Variants in LARGE1 observed in about 807,000 individuals in gnomAD.
LARGE1 encodes xylosyl- and glucuronyltransferase LARGE1.
LARGE1 carries 43 observed loss-of-function variants against 87.6 expected under a neutral mutation model. The ratio of observed to expected loss-of-function variants is 0.49; its 90% confidence interval spans 0.38 to 0.63. The LOEUF (loss-of-function observed/expected upper bound fraction) is 0.63, where lower values mean the gene tolerates loss of function less well. LARGE1 is among the 30% of genes least tolerant of loss of function. LARGE1 has a pLI of 0.00. For missense variants in LARGE1, 802 were observed against 1,000.2 expected (o/e 0.80, Z 2.67); for synonymous variants, 434 against 394.6 (o/e 1.10, Z -1.18).
intron 5 of LARGE1, among the ~76,000 whole-genome samples, chr22:33,570,400 T>C (rs138402175): frequency 6.6e-6 from 1 of 152,142 alleles, no homozygotes; most frequent in Non-Finnish European, 1.5e-5. Context: ...CCTTGTCCTA[T>C]GTTTCTGTAA....
Position 33,631,822 on chromosome 22 carries a change from G to A in LARGE1, c.409-5496C>T, listed in dbSNP as rs528050814. ...ATAGTTTTATACAAATGGCAGCGCAGTCGGTTTGTTCACACCAACATCACC... is the reference window on the plus strand; with the variant it reads ...ATAGTTTTATACAAATGGCAGCGCAATCGGTTTGTTCACACCAACATCACC... On this transcript the variant is annotated intron_variant, in intron 3 of 14. Transcript: ENST00000397394. Among the ~76,000 whole-genome samples the A allele has an allele frequency of 2.0e-5, 3 of 152,320 alleles. No individual in the cohort carries two copies. The South Asian group carries it at 6.2e-4, about 32-fold the overall frequency.
chr22:33,876,521 T>C (rs61040607), intron 1 of LARGE1, among the ~76,000 whole-genome samples: 53,436 of 151,642 alleles, frequency 0.35, 10,594 homozygotes, highest in Non-Finnish European at 0.45. Flanking sequence ...GCTATACTTC[T>C]ATTTAAAAGC....
intron 2 of LARGE1, chr22:33,732,748 T>C (rs988806495): frequency 6.6e-6 from 1 of 152,226 alleles, no homozygotes; most frequent in Admixed American, 6.5e-5. Flanking sequence ...AATCTCTGCA[T>C]CCAGAAGATT....
At chr22:33,534,265 G>T (rs528867329) in intron 6 of LARGE1, among the ~76,000 whole-genome samples, 1 of 152,094 alleles carries the variant, frequency 6.6e-6, no homozygotes, top group African/African-American at 2.4e-5. Context: ...TTAGCCGGGC[G>T]TGGTGGTGGG....
chr22:33,810,200 T>C (rs977053667), intron 1 of LARGE1, among the ~76,000 whole-genome samples: 57 of 152,298 alleles, frequency 3.7e-4, no homozygotes, highest in African/African-American at 1.3e-3. Context: ...GGTATTGCTG[T>C]TTTCACGTTT....
chr22:33,094,782 G>A, the LARGE1 span, among the ~76,000 whole-genome samples: 3 of 152,190 alleles, frequency 2.0e-5, no homozygotes, highest in Non-Finnish European at 4.4e-5. Context: ...GCAATGGCGC[G>A]ATGTTGGCTC....
At chr22:33,452,111 C>T (rs562681295) in intron 6 of LARGE1, among the ~76,000 whole-genome samples, 22 of 152,260 alleles carry the variant, frequency 1.4e-4, no homozygotes, top group South Asian at 6.2e-4. Flanking sequence ...GGTGACTATA[C>T]GTCAGGCACT....
intron 14 of LARGE1, among the ~76,000 whole-genome samples, chr22:33,275,183 T>C (rs576826821): frequency 6.6e-6 from 1 of 152,196 alleles, no homozygotes; most frequent in Non-Finnish European, 1.5e-5. Context: ...AACCTCTCCC[T>C]GACACATCTT....
chr22:33,260,375 C>G lies in LARGE1; in HGVS notation c.1730+43854G>C, dbSNP rs111957689. Among the ~76,000 whole-genome samples, 71 of 152,296 alleles carry G rather than the reference C, an allele frequency of 4.7e-4. 2 individuals carry two copies. Among genetic ancestry groups the G allele is most frequent in the African/African-American group, 1.6e-3 (65 of 41,550 alleles). On this transcript the variant is annotated intron_variant, in intron 11 of 11. Coordinates refer to the LARGE1 transcript ENST00000608642. Reference sequence around the variant, plus strand: ...TTCTTTCATTTGCTTCTGAGAAATCCCACTTGAAAGCTCTCTGGCCTCCCT... The same window carrying G: ...TTCTTTCATTTGCTTCTGAGAAATCGCACTTGAAAGCTCTCTGGCCTCCCT...
chr22:33,738,273 C>T, intron 2 of LARGE1, among the ~76,000 whole-genome samples: 1 of 152,152 alleles, frequency 6.6e-6, no homozygotes, highest in East Asian at 1.9e-4. Context: ...AAAGGCCAAT[C>T]CCACAGAGTA....
intron 10 of LARGE1, among the ~76,000 whole-genome samples, chr22:33,326,017 C>G (rs1937209340): frequency 6.6e-6 from 1 of 152,210 alleles, no homozygotes; most frequent in Non-Finnish European, 1.5e-5. Context: ...TTAAGCCACA[C>G]AGACAGGCAG....
chr22:33,809,394 G>A (rs747599669), intron 1 of LARGE1, among the ~76,000 whole-genome samples: 39 of 152,252 alleles, frequency 2.6e-4, no homozygotes, highest in Non-Finnish European at 1.5e-4. Context: ...AATAAGCAGT[G>A]AGCTCAGAGA....
intron 8 of LARGE1, 86 bp from the exon 9 acceptor site, chr22:33,382,130 G>T: frequency 6.4e-7 from 1 of 1,563,934 alleles, no homozygotes; most frequent in Non-Finnish European, 8.7e-7. Flanking sequence ...CATCCCCTGT[G>T]ATAGGGCTTC....
At chr22:33,080,190 A>C in the LARGE1 span, among the ~76,000 whole-genome samples, 15 of 152,310 alleles carry the variant, frequency 9.8e-5, no homozygotes, top group East Asian at 2.9e-3. Context: ...TATTGCAAGC[A>C]CTTATGTAGT....
chr22:33,585,112 G>C (rs953745472), intron 5 of LARGE1, among the ~76,000 whole-genome samples: 4 of 152,110 alleles, frequency 2.6e-5, no homozygotes, highest in South Asian at 2.1e-4. Context: ...GCAAGACTTC[G>C]TCTCAATAAA....
At chr22:33,174,829 C>T (rs1284338730) in intron 11 of LARGE1, among the ~76,000 whole-genome samples, 3 of 152,098 alleles carry the variant, frequency 2.0e-5, no homozygotes, top group Admixed American at 1.3e-4. Flanking sequence ...ATAGCAAGTT[C>T]TGAAATTGGG....
At chr22:33,125,563 C>T in the LARGE1 span, among the ~76,000 whole-genome samples, 4 of 151,534 alleles carry the variant, frequency 2.6e-5, no homozygotes, top group African/African-American at 9.7e-5. Flanking sequence ...TCTCGTACTT[C>T]AGCCTCCTGA....
chr22:33,686,769 C>A (rs1240625547), intron 2 of LARGE1, among the ~76,000 whole-genome samples: 1 of 152,104 alleles, frequency 6.6e-6, no homozygotes, highest in Non-Finnish European at 1.5e-5. Context: ...ACAGCAGATC[C>A]CTGCTCTGAG....
At chr22:33,524,649 C>T (rs2071791921) in intron 6 of LARGE1, among the ~76,000 whole-genome samples, 1 of 151,620 alleles carries the variant, frequency 6.6e-6, no homozygotes, top group African/African-American at 2.4e-5. Flanking sequence ...TTTCCCACTC[C>T]AACATGAGTG....
Sources: gnomAD v4.1 joint callset for allele counts (sites outside exome capture counted in the v4.1 genomes callset) on GRCh38, gnomAD v4.1.1 for gene constraint, MANE v1.5 for transcripts, NCBI Gene and HGNC (gene_info 2026-07-23, HGNC 2026-07-21) for gene names.